CAMK4: variants seen among roughly 807,000 people sequenced by gnomAD.
The protein encoded by CAMK4 is calcium/calmodulin-dependent protein kinase type IV.
Under a neutral mutation model 44.9 loss-of-function variants are expected in CAMK4, and 22 were observed. The ratio of observed to expected loss-of-function variants is 0.49; its 90% CI spans 0.35 to 0.70. The LOEUF is 0.70. Among genes scored for constraint, CAMK4 ranks in the 30% least tolerant of loss-of-function variants. The pLI, the probability that CAMK4 is intolerant of heterozygous loss-of-function variation, is 0.01. For synonymous variants in CAMK4, 218 were observed against 215.4 expected, an observed-to-expected ratio of 1.01 and a Z score of -0.11; for missense variants, 498 against 586.8, an observed-to-expected ratio of 0.85 and a Z score of 1.56.
At chr5:111,248,158 G>C (rs1749320298) in intron 1 of CAMK4, among the ~76,000 whole-genome samples, 3 of 152,092 alleles carry the variant, frequency 2.0e-5, no homozygotes, top group Admixed American at 2.0e-4. Context: ...GTCTGTTTCT[G>C]TTCTGTTAAA....
chr5:111,426,099 A>T (rs200882827), intron 5 of CAMK4, among the ~76,000 whole-genome samples: 1 of 67,048 alleles, frequency 1.5e-5, no homozygotes, highest in South Asian at 7.4e-4. Context: ...ATTCCAAATT[A>T]AAAAAAAATC....
chr5:111,394,687 C>G, intron 4 of CAMK4, 23 bp from the exon 5 acceptor site: 2 of 1,552,220 alleles, frequency 1.3e-6, no homozygotes, highest in Non-Finnish European at 1.8e-6. Flanking sequence ...GCCTGAGAAG[C>G]ATTTCCTTTC....
chr5:111,302,064 G>A (rs1242654123), intron 1 of CAMK4: 2 of 152,156 alleles, frequency 1.3e-5, no homozygotes, highest in South Asian at 2.1e-4. Context: ...GATTCTTTAA[G>A]CCTTTCAGCT....
At chr5:111,322,926 A>G (rs1166800407) in intron 1 of CAMK4, among the ~76,000 whole-genome samples, 1 of 152,140 alleles carries the variant, frequency 6.6e-6, no homozygotes, top group Non-Finnish European at 1.5e-5. Context: ...GAACTTGAAG[A>G]CAAATCAATA....
chr5:111,331,679 T>C (rs1413620462), intron 1 of CAMK4, among the ~76,000 whole-genome samples: 1 of 151,772 alleles, frequency 6.6e-6, no homozygotes, highest in South Asian at 2.1e-4. Flanking sequence ...CCCTCCTTTT[T>C]AGTCACCAGT....
At chr5:111,442,768 T>C (rs970985984) in intron 5 of CAMK4, among the ~76,000 whole-genome samples, 4 of 148,354 alleles carry the variant, frequency 2.7e-5, no homozygotes, top group Admixed American at 1.3e-4. Context: ...TTTTAAAATA[T>C]AAATATTATA....
intron 2 of CAMK4, among the ~76,000 whole-genome samples, chr5:111,372,849 C>T (rs1751063625): frequency 6.6e-6 from 1 of 152,084 alleles, no homozygotes; most frequent in Non-Finnish European, 1.5e-5. Flanking sequence ...AGCTCCAGAG[C>T]CTATCAATTT....
chr5:111,263,925 T>G (rs1267824975), intron 1 of CAMK4, among the ~76,000 whole-genome samples: 1 of 152,092 alleles, frequency 6.6e-6, no homozygotes, highest in African/African-American at 2.4e-5. Flanking sequence ...AATAAAGCAT[T>G]CTCATAGAAA....
intron 1 of CAMK4, among the ~76,000 whole-genome samples, chr5:111,233,652 A>C (rs1021870792): frequency 2.6e-5 from 4 of 152,198 alleles, no homozygotes; most frequent in African/African-American, 9.6e-5. Context: ...TAAATAAATT[A>C]CTGATGAAAG....
intron 5 of CAMK4, among the ~76,000 whole-genome samples, chr5:111,401,395 G>A (rs1166093460): frequency 2.0e-5 from 3 of 152,152 alleles, no homozygotes; most frequent in Non-Finnish European, 4.4e-5. Flanking sequence ...AAATGGGTGA[G>A]TAACTATTAA....
chr5:111,266,707 A>G (rs12516609), intron 1 of CAMK4, among the ~76,000 whole-genome samples: 7,936 of 152,334 alleles, frequency 0.052, 533 homozygotes, highest in East Asian at 0.22. Flanking sequence ...TAAAATGTCT[A>G]AGCCCTGTGG....
At chr5:111,256,506 T>C (rs2112551856) in intron 1 of CAMK4, among the ~76,000 whole-genome samples, 1 of 152,318 alleles carries the variant, frequency 6.6e-6, no homozygotes, top group South Asian at 2.1e-4. Flanking sequence ...GTGAAGGGCA[T>C]GTAGGACTTC....
In CAMK4 at chr5:111,476,269, GTT is replaced by G. The variant is rs869092446; in HGVS notation, c.702-2110_702-2109del. ...TGTGTGTGTGTGTGTGTGTGTGTGT[GTT>G]TGTGTGTGTGTGTGTGTGTGTGTTT... On this transcript the variant is annotated intron_variant, in intron 8 of 10. Transcript: ENST00000282356. Among the ~76,000 whole-genome samples, 621 of 130,758 alleles carry G rather than the reference GTT, an allele frequency of 4.7e-3. 8 individuals carry two copies. Among genetic ancestry groups the G allele is most frequent in the African/African-American group, 0.016 (519 of 33,112 alleles). The allele number at this position is 130,758 out of a possible 152,430, so 85.8% of individuals were successfully genotyped here.
intron 1 of CAMK4, among the ~76,000 whole-genome samples, chr5:111,229,688 A>T (rs1288956226): frequency 2.6e-5 from 4 of 152,110 alleles, no homozygotes; most frequent in Non-Finnish European, 5.9e-5. Flanking sequence ...ATCTCCTGCT[A>T]CACACACTGC....
chr5:111,438,659 C>A (rs1397767680), intron 5 of CAMK4, among the ~76,000 whole-genome samples: 1 of 151,868 alleles, frequency 6.6e-6, no homozygotes, highest in Admixed American at 6.6e-5. Context: ...GAGTTTACAG[C>A]AAAAAAGAAG....
At chr5:111,439,761 G>T (rs988662994) in intron 5 of CAMK4, among the ~76,000 whole-genome samples, 3 of 152,146 alleles carry the variant, frequency 2.0e-5, no homozygotes, top group Non-Finnish European at 4.4e-5. Flanking sequence ...CACAGAAAAA[G>T]CAGAGGGTCC....
chr5:111,401,610 TA>T (rs906884629), intron 5 of CAMK4, among the ~76,000 whole-genome samples: 1 of 152,136 alleles, frequency 6.6e-6, no homozygotes, highest in Non-Finnish European at 1.5e-5. Flanking sequence ...TTAAAAAAAT[TA>T]ACCTGTAACT....
chr5:111,322,221 A>G (rs1230026596), intron 1 of CAMK4, among the ~76,000 whole-genome samples: 1 of 152,058 alleles, frequency 6.6e-6, no homozygotes, highest in Non-Finnish European at 1.5e-5. Flanking sequence ...ACGAAGTAGA[A>G]ACAAATGTGG....
At chr5:111,389,205 G>C (rs1181243172) in intron 4 of CAMK4, among the ~76,000 whole-genome samples, 3 of 152,106 alleles carry the variant, frequency 2.0e-5, no homozygotes, top group Non-Finnish European at 4.4e-5. Flanking sequence ...AAGGGACAAA[G>C]AAGCTTTCTA....
Sources: allele counts gnomAD v4.1 joint callset (sites outside exome capture counted in the v4.1 genomes callset), GRCh38; gene constraint gnomAD v4.1.1; transcripts MANE v1.5; gene names NCBI Gene and HGNC (gene_info 2026-07-23, HGNC 2026-07-21).